Variants in POTEI observed in about 807,000 individuals in gnomAD.
POTEI encodes the protein POTE ankyrin domain family member I, also known as POTE ankyrin domain family, member I.
POTEI carries 14 observed loss-of-function variants against 43.4 expected under a neutral mutation model. The observed-to-expected ratio is 0.32, with a 90% CI of 0.21 to 0.50. POTEI has a LOEUF of 0.50. Among genes scored for constraint, POTEI ranks in the 20% least tolerant of loss-of-function variants. POTEI has a pLI of 0.98. For synonymous variants in POTEI, 95 were observed against 297.9 expected (o/e 0.32, Z 7.01); for missense variants, 235 against 795.4 (o/e 0.30, Z 8.47).
rs1480251386 is a variant in POTEI at position 130,460,417 on chromosome 2, C to T, written c.*2399G>A. On this transcript the variant is annotated 3_prime_UTR_variant, in exon 15 of 15. Coordinates refer to ENST00000451531, the MANE Select transcript of POTEI (RefSeq NM_001277406.2). ...ACCTGATCTCTGCTGGGCAATCTTG[C>T]ATATAAGATGTGGCTGGTATGACCT... The T allele has an allele frequency of 2.6e-5, 4 of 151,978 alleles. No homozygotes were observed. Among genetic ancestry groups the T allele is most frequent in the Admixed American group, 2.6e-4 (4 of 15,264 alleles). 9.4% of individuals were successfully genotyped at this position (151,978 alleles called of 1,614,324 possible). A position where few individuals can be genotyped will look rare whatever the true frequency, so the allele number is the denominator to read the frequency against.
At position 130,508,988 on chromosome 2, in the gene POTEI, G is replaced by C. The variant is rs1684260043; in HGVS notation, c.248C>G (p.Ser83Cys). 1.3e-6 allele frequency: 2 copies of C among 1,514,940 alleles called. No individual in the cohort carries two copies. The highest frequency in any genetic ancestry group is 1.8e-6 in the Non-Finnish European group (2 of 1,105,982). The allele number at this position is 1,514,940 out of a possible 1,614,324, so 93.8% of individuals were successfully genotyped here. The change falls in exon 1 of 15, where the codon TCT (serine) becomes TGT (cysteine). Residue 83 changes from serine (S) to cysteine (C), a missense_variant. Transcript: ENST00000451531. ...RGSGKSNVGT[S>C]GDHDDSAMKT... is the part of the protein sequence containing the mutation. ...CATAGCGGAGTCGTCGTGGTCTCCA[G>C]AAGTGCCCACGTTGCTCTTGCCACT... is the stretch of plus-strand genomic sequence containing the variant.
At chr2:130,474,148 A>C (rs999521350) in intron 13 of POTEI, among the ~76,000 whole-genome samples, 12 of 150,976 alleles carry the variant, frequency 7.9e-5, no homozygotes, top group Non-Finnish European at 2.9e-5. Context: ...TGAAAAGAGA[A>C]GAAAATGCCT....
intron 10 of POTEI, among the ~76,000 whole-genome samples, chr2:130,477,611 G>C (rs2105073564): frequency 6.9e-6 from 1 of 145,656 alleles, no homozygotes; most frequent in South Asian, 2.2e-4. Flanking sequence ...TGTCCCCTCT[G>C]CTCCAAGACT....
At chr2:130,468,652 G>A (rs1288470861) in intron 13 of POTEI, among the ~76,000 whole-genome samples, 1 of 150,482 alleles carries the variant, frequency 6.6e-6, no homozygotes, top group African/African-American at 2.4e-5. Context: ...CTCAACACCT[G>A]GTAATTACAA....
At chr2:130,485,335 G>A (rs1683561210) in intron 9 of POTEI, among the ~76,000 whole-genome samples, 2 of 141,086 alleles carry the variant, frequency 1.4e-5, no homozygotes, top group East Asian at 2.1e-4. Context: ...GGGAAATGCT[G>A]TCTCTACTAA....
rs538868432 is a variant in POTEI at position 130,483,840 on chromosome 2, C to A, written c.1410-1767G>T. ...TCGTGATCCGCCTGCCTCGGCCTCC[C>A]AAAGTGCTGTGATTACAGGTGTGAG... On this transcript the variant is annotated intron_variant, in intron 9 of 14. Coordinates refer to ENST00000451531, the MANE Select transcript of POTEI (RefSeq NM_001277406.2). Among the ~76,000 whole-genome samples the A allele has an allele frequency of 1.1e-4, 17 of 150,736 alleles. No individual in the cohort carries two copies. The East Asian group carries it at 3.0e-3, about 26-fold the overall frequency.
At chr2:130,507,321 C>T (rs1405892437) in intron 1 of POTEI, among the ~76,000 whole-genome samples, 497 of 5,842 alleles carry the variant, frequency 0.085, 52 homozygotes, top group East Asian at 0.22. Context: ...TATATATACA[C>T]ACACACACAC....
rs1346410517 is a variant in POTEI at position 130,461,327 on chromosome 2, C to G, written c.*1489G>C. The G allele has an allele frequency of 6.6e-6, 1 of 152,166 alleles. No homozygotes were observed. Among genetic ancestry groups the G allele is most frequent in the East Asian group, 1.9e-4 (1 of 5,160 alleles). 9.4% of individuals were successfully genotyped at this position (152,166 alleles called of 1,614,324 possible). A position where few individuals can be genotyped will look rare whatever the true frequency, so the allele number is the denominator to read the frequency against. ...GCAAAGATGACAATCTGGTCCTCCC[C>G]CTGGGAGCTCTGACTCAGGGAGGCC... On this transcript the variant is annotated 3_prime_UTR_variant, in exon 15 of 15. Coordinates refer to ENST00000451531, the MANE Select transcript of POTEI (RefSeq NM_001277406.2).
At chr2:130,467,357 A>G (rs528938578) in intron 13 of POTEI, among the ~76,000 whole-genome samples, 301 of 97,584 alleles carry the variant, frequency 3.1e-3, no homozygotes, top group Non-Finnish European at 4.6e-3. Context: ...ACTCAGAAAT[A>G]AAGCCACTAC....
rs571930013 is a variant in POTEI, at chr2:130,473,656, T to C, written c.1778+722A>G. Among the ~76,000 whole-genome samples the C allele has an allele frequency of 3.1e-3, 72 of 23,278 alleles. 10 individuals carry two copies. Among genetic ancestry groups the C allele is most frequent in the African/African-American group, 3.4e-3 (72 of 21,412 alleles). The allele number at this position is 23,278 out of a possible 152,430, so 15.3% of individuals were successfully genotyped here. A position where few individuals can be genotyped will look rare whatever the true frequency, so the allele number is the denominator to read the frequency against. ...TTTTACATAATAATACTATAATAAA[T>C]GTCCTTATACATAAGTATACATATA... On this transcript the variant is annotated intron_variant, in intron 13 of 14. Transcript: ENST00000451531.
At chr2:130,483,748 C>A (rs1300008754) in intron 9 of POTEI, among the ~76,000 whole-genome samples, 1 of 149,096 alleles carries the variant, frequency 6.7e-6, no homozygotes, top group African/African-American at 2.5e-5. Context: ...GCGCATGCCA[C>A]CACACCCGGT....
At chr2:130,467,981 C>T (rs572361346) in intron 13 of POTEI, among the ~76,000 whole-genome samples, 48 of 131,486 alleles carry the variant, frequency 3.7e-4, no homozygotes, top group South Asian at 2.6e-3. Flanking sequence ...GGTGTGGACG[C>T]GGTGAAAAGA....
intron 13 of POTEI, among the ~76,000 whole-genome samples, chr2:130,468,712 G>A (rs1244673749): frequency 6.7e-6 from 1 of 149,348 alleles, no homozygotes; most frequent in Non-Finnish European, 1.5e-5. Flanking sequence ...TTGGGGGGGG[G>A]GGTATCCTTA....
rs747861586 is a variant in POTEI, at chr2:130,508,932, A to G, written c.304T>C (p.Cys102Arg). Residue 102 changes from cysteine (C) to arginine (R), a missense_variant, in exon 1 of 15, where the codon TGC becomes CGC. Coordinates refer to ENST00000451531, the MANE Select transcript of POTEI (RefSeq NM_001277406.2). ...KTLRSKMGKW[C>R]CHCFPCCRGS... ...CTGCAGCAGGGGAAGCAGTGGCAGC[A>G]CCACTTGCCCATCTTGCTCCTGAGC... The G allele has an allele frequency of 4.4e-6, 7 of 1,583,800 alleles. No individual in the cohort carries two copies. The highest frequency in any genetic ancestry group is 6.0e-6 in the Non-Finnish European group (7 of 1,168,306).
At position 130,479,806 on chromosome 2, in the gene POTEI, G is replaced by C. The variant is rs1441556330; in HGVS notation, c.1480+2197C>G. On this transcript the variant is annotated intron_variant, in intron 10 of 14. Transcript: ENST00000451531. ...TGAGCCCCTGCAGCACACATTGTTG[G>C]CTCCCTATCAATAGCCATTCCTCAT... Among the ~76,000 whole-genome samples, 4 of 34,778 alleles carry C rather than the reference G, an allele frequency of 1.2e-4. 1 individual carries two copies. The Admixed American group carries it at 1.4e-3, about 12-fold the overall frequency. 22.8% of individuals were successfully genotyped at this position (34,778 alleles called of 152,430 possible).
chr2:130,474,108 C>T (rs1683102208), intron 13 of POTEI, among the ~76,000 whole-genome samples: 1 of 148,168 alleles, frequency 6.7e-6, no homozygotes, highest in Non-Finnish European at 1.5e-5. Context: ...TAAACCTGCA[C>T]ACGTACCCGA....
intron 1 of POTEI, among the ~76,000 whole-genome samples, chr2:130,507,432 C>T (rs1174558144): frequency 1.4e-5 from 1 of 73,476 alleles, no homozygotes; most frequent in African/African-American, 5.8e-5. Flanking sequence ...ATATATATAT[C>T]TGCGTATATA....
At chr2:130,484,582 T>C (rs1357496920) in intron 9 of POTEI, among the ~76,000 whole-genome samples, 1 of 89,654 alleles carries the variant, frequency 1.1e-5, no homozygotes, top group South Asian at 4.3e-4. Flanking sequence ...AGCACAGAGG[T>C]GTGTCTGGAG....
At chr2:130,475,189 CA>C (rs1683152340) in intron 11 of POTEI, among the ~76,000 whole-genome samples, 3 of 80,176 alleles carry the variant, frequency 3.7e-5, no homozygotes, top group Admixed American at 3.1e-4. Flanking sequence ...AAAAATAATT[CA>C]CCTTAGACAA....
Sources: allele counts gnomAD v4.1 joint callset (sites outside exome capture counted in the v4.1 genomes callset), GRCh38; gene constraint gnomAD v4.1.1; transcripts MANE v1.5; gene names NCBI Gene and HGNC (gene_info 2026-07-23, HGNC 2026-07-21).